KIDINS220: variants seen among roughly 807,000 people sequenced by gnomAD.
The protein encoded by KIDINS220 is kinase D interacting substrate 220, also known as kinase D-interacting substrate of 220 kDa.
KIDINS220 carries 63 observed loss-of-function variants against 157.6 expected under a neutral mutation model. That is an observed-to-expected ratio of 0.40 (90% CI 0.33 to 0.49). The LOEUF (loss-of-function observed/expected upper bound fraction) is 0.49. Among genes scored for constraint, KIDINS220 ranks in the 20% least tolerant of loss-of-function variants. KIDINS220 has a pLI of 0.66. For missense variants in KIDINS220, 1,772 were observed against 2,171.2 expected, an observed-to-expected ratio of 0.82 and a Z score of 3.65; for synonymous variants, 732 against 783.6, an observed-to-expected ratio of 0.93 and a Z score of 1.10.
intron 7 of KIDINS220, among the ~76,000 whole-genome samples, chr2:8,804,760 T>A (rs974469495): frequency 2.6e-5 from 4 of 152,234 alleles, no homozygotes; most frequent in South Asian, 4.1e-4. Context: ...CCATTTCACA[T>A]AAATTCTTAC....
intron 1 of KIDINS220, among the ~76,000 whole-genome samples, chr2:8,836,205 CAA>C (rs370008479): frequency 9.1e-5 from 13 of 142,112 alleles, no homozygotes; most frequent in East Asian, 2.0e-4. Flanking sequence ...TGCCCTTAAC[CAA>C]AAAAAAAAAA....
intron 3 of KIDINS220, among the ~76,000 whole-genome samples, chr2:8,818,162 T>C (rs1031593218): frequency 6.6e-6 from 1 of 152,114 alleles, no homozygotes; most frequent in Non-Finnish European, 1.5e-5. Context: ...AACTATTCTC[T>C]TTTATTTTTT....
intron 4 of KIDINS220, among the ~76,000 whole-genome samples, chr2:8,815,470 C>T (rs1676941621): frequency 1.3e-5 from 2 of 151,646 alleles, no homozygotes; most frequent in Non-Finnish European, 2.9e-5. Context: ...GAGTTTAAGA[C>T]CAGCCTGGCC....
In KIDINS220 at chr2:8,729,610, C is replaced by T; in HGVS notation, c.*1110G>A. 2.0e-6 allele frequency: 2 copies of T among 976,014 alleles called. No individual in the cohort carries two copies. Among genetic ancestry groups the T allele is most frequent in the Non-Finnish European group, 2.4e-6 (2 of 821,434 alleles). The allele number at this position is 976,014 out of a possible 1,614,324, so 60.5% of individuals were successfully genotyped here. On this transcript the variant is annotated 3_prime_UTR_variant, in exon 30 of 30. Transcript: ENST00000256707. ...GATATATATATATATTTTACCCTTG[C>T]TTTGTTACATGTTTCCAAATTTTTT...
intron 27 of KIDINS220, among the ~76,000 whole-genome samples, chr2:8,736,612 T>C (rs1664894516): frequency 6.6e-6 from 1 of 152,266 alleles, no homozygotes; most frequent in African/African-American, 2.4e-5. Context: ...CAAGGCATTC[T>C]TTACTTGTAT....
intron 1 of KIDINS220, among the ~76,000 whole-genome samples, chr2:8,831,676 T>A (rs992814385): frequency 1.3e-5 from 2 of 152,178 alleles, no homozygotes; most frequent in African/African-American, 4.8e-5. Context: ...GACTAGAAGT[T>A]CTTGCAGCAG....
intron 26 of KIDINS220, among the ~76,000 whole-genome samples, chr2:8,744,745 T>C (rs1666308825): frequency 6.6e-6 from 1 of 152,002 alleles, no homozygotes; most frequent in Non-Finnish European, 1.5e-5. Flanking sequence ...TCTGATTCTT[T>C]ACCTTCCACC....
chr2:8,783,122 G>A (rs529030121), intron 17 of KIDINS220, among the ~76,000 whole-genome samples: 77 of 150,290 alleles, frequency 5.1e-4, no homozygotes, highest in African/African-American at 1.4e-3. Flanking sequence ...ACTTGAACCC[G>A]TAAGGTGGAG....
intron 17 of KIDINS220, among the ~76,000 whole-genome samples, chr2:8,785,231 A>C (rs1372675143): frequency 6.6e-6 from 1 of 152,200 alleles, no homozygotes; most frequent in Non-Finnish European, 1.5e-5. Flanking sequence ...AAGAAATGGT[A>C]GCCAGGGGTT....
Position 8,785,999 on chromosome 2 carries a change from G to A in KIDINS220, c.1971C>T (p.Leu657=), listed in dbSNP as rs768702515. 3 of 1,609,660 alleles carry A rather than the reference G, an allele frequency of 1.9e-6. No homozygotes were observed. Among genetic ancestry groups the A allele is most frequent in the Admixed American group, 3.4e-5 (2 of 58,952 alleles). ...GKKKWKKTCC[L]PSFVIFLFII... ...TAAAAAGGAAGATGACAAAAGATGGGAGACAACATGTTTTTTTCCATTTCT... is the reference window on the plus strand; with the variant it reads ...TAAAAAGGAAGATGACAAAAGATGGAAGACAACATGTTTTTTTCCATTTCT... The change falls in exon 17 of 30, where the codon CTC becomes CTT. Residue 657 remains leucine (L), a synonymous_variant. Coordinates refer to ENST00000256707, the MANE Select transcript of KIDINS220 (RefSeq NM_020738.4).
intron 26 of KIDINS220, among the ~76,000 whole-genome samples, chr2:8,738,404 C>T (rs1223286627): frequency 2.6e-5 from 4 of 152,168 alleles, no homozygotes; most frequent in African/African-American, 9.7e-5. Context: ...CCAAGATATT[C>T]ACTAGTTATA....
Position 8,813,275 on chromosome 2 carries a change from G to T in KIDINS220, c.367C>A (p.Leu123Ile). The T allele has an allele frequency of 6.2e-7, 1 of 1,613,344 alleles. No homozygotes were observed. Among genetic ancestry groups the T allele is most frequent in the South Asian group, 1.1e-5 (1 of 90,930 alleles). ...YKGRTDVVEL[L>I]LSHGANPSVT... ...CTTGGATTGGCACCATGAGAAAGAA[G>T]CAACTCTACTACGTCAGTACGGCCT... Residue 123 changes from leucine to isoleucine, a missense_variant, in exon 5 of 30, where the codon CTT becomes ATT. Around this residue, in one of 3 missense-constraint regions of KIDINS220, gnomAD observed 254 missense variants for 268.6 expected, o/e 0.95. Coordinates refer to ENST00000256707, the MANE Select transcript of KIDINS220 (RefSeq NM_020738.4).
intron 22 of KIDINS220, among the ~76,000 whole-genome samples, chr2:8,754,648 T>G (rs1346384984): frequency 2.0e-5 from 3 of 152,230 alleles, no homozygotes; most frequent in Non-Finnish European, 2.9e-5. Context: ...TAAAAGCATT[T>G]TGATTATAAA....
rs759741438 is a variant in KIDINS220 at position 8,736,833 on chromosome 2, G to C, written c.3717+35C>G. 29 of 1,610,652 alleles carry C rather than the reference G, an allele frequency of 1.8e-5. No homozygotes were observed. The Admixed American group carries it at 3.5e-4, about 19-fold the overall frequency. ...CACAGTCCTGTCTTCCGCCCCCAGC[G>C]CTGTCTCTGGTCCGTGTGTAAGTGG... On this transcript the variant is annotated intron_variant, in intron 27 of 29. Coordinates refer to ENST00000256707, the MANE Select transcript of KIDINS220 (RefSeq NM_020738.4).
At chr2:8,744,401 A>AAT (rs1474558259) in intron 26 of KIDINS220, among the ~76,000 whole-genome samples, 1 of 7,030 alleles carries the variant, frequency 1.4e-4, no homozygotes, top group Non-Finnish European at 2.1e-4. Flanking sequence ...ATATATATAT[A>AAT]ATATATATAT....
At position 8,778,646 on chromosome 2, in the gene KIDINS220, T is replaced by A; in HGVS notation, c.2696A>T (p.Asn899Ile). Reference sequence around the variant, plus strand: ...AAGCCAATGGCATCTTACCCGTCTATTGAGGGCTGTCTTGCTACCAAGTTT... The same window carrying A: ...AAGCCAATGGCATCTTACCCGTCTAATGAGGGCTGTCTTGCTACCAAGTTT... ...MTKLGSKTAL[N>I]RRDTYRRRQM... Residue 899 changes from asparagine to isoleucine, a missense_variant, in exon 20 of 30, where the codon AAT (asparagine) becomes ATT (isoleucine). Asn to Ile is a moderately radical substitution (Grantham distance 149). Around this residue, in one of 3 missense-constraint regions of KIDINS220, gnomAD observed 725 missense variants for 1,017.1 expected, o/e 0.71. Transcript: ENST00000256707. 2 of 1,611,964 alleles carry A rather than the reference T, an allele frequency of 1.2e-6. No individual in the cohort carries two copies. Among genetic ancestry groups the A allele is most frequent in the Non-Finnish European group, 1.7e-6 (2 of 1,177,996 alleles).
In KIDINS220 at chr2:8,744,299, T is replaced by C. The variant is rs1438210476; in HGVS notation, c.3585+2846A>G. On this transcript the variant is annotated intron_variant, in intron 26 of 29. Transcript: ENST00000256707. ...ATAAGCACTACAGTGTTCCTTAATG[T>C]GAGAAAACTCAATGATTTTTATAAG... is the stretch of plus-strand genomic sequence containing the variant. 2.9e-5 allele frequency among the ~76,000 whole-genome samples: 4 copies of C among 136,530 alleles called. No individual in the cohort carries two copies. In the East Asian group the frequency reaches 8.6e-4, roughly 29 times the overall value. The allele number at this position is 136,530 out of a possible 152,430, so 89.6% of individuals were successfully genotyped here.
At chr2:8,831,280 T>C (rs1679578744) in intron 1 of KIDINS220, among the ~76,000 whole-genome samples, 1 of 152,152 alleles carries the variant, frequency 6.6e-6, no homozygotes. Flanking sequence ...GGCCCCATCT[T>C]ACCATTCCAG....
At chr2:8,770,924 T>C (rs1670130724) in intron 21 of KIDINS220, 92 bp from the exon 22 acceptor site, 4 of 731,790 alleles carry the variant, frequency 5.5e-6, no homozygotes, top group African/African-American at 1.8e-5. Flanking sequence ...ATTTTAAATT[T>C]CTAAAATTTA....
Sources: gnomAD v4.1 joint callset for allele counts (sites outside exome capture counted in the v4.1 genomes callset) on GRCh38, gnomAD v4.1.1 for gene constraint, gnomAD v4.1.1 regional missense constraint, MANE v1.5 for transcripts, NCBI Gene and HGNC (gene_info 2026-07-23, HGNC 2026-07-21) for gene names.